DLC1: variants seen among roughly 807,000 people sequenced by gnomAD.
DLC1 encodes rho GTPase-activating protein 7.
Under a neutral mutation model 140.3 loss-of-function variants are expected in DLC1, and 54 were observed. That is an observed-to-expected ratio of 0.38 (90% CI 0.31 to 0.48). DLC1 has a LOEUF of 0.48. Ranked by LOEUF, DLC1 falls within the 20% of genes least tolerant of loss-of-function variation. DLC1 has a pLI of 0.96. For missense variants in DLC1, 2,536 were observed against 1,907.0 expected (o/e 1.33, Z -6.14); for synonymous variants, 986 against 728.1 (o/e 1.35, Z -5.70).
intron 1 of DLC1, among the ~76,000 whole-genome samples, chr8:13,583,559 T>G (rs895755238): frequency 1.3e-5 from 2 of 152,156 alleles, no homozygotes; most frequent in Non-Finnish European, 2.9e-5. Context: ...GAATCAACTT[T>G]TTCCAATAGG....
intron 5 of DLC1, among the ~76,000 whole-genome samples, chr8:13,289,088 C>A (rs368408308): frequency 1.3e-5 from 2 of 152,274 alleles, no homozygotes; most frequent in South Asian, 4.2e-4. Flanking sequence ...TTCCTTTTTC[C>A]TAAGGCATTC....
intron 5 of DLC1, among the ~76,000 whole-genome samples, chr8:13,132,126 G>A (rs556399552): frequency 4.6e-5 from 7 of 152,184 alleles, no homozygotes; most frequent in African/African-American, 1.7e-4. Context: ...CTCCTTGTCC[G>A]GGTCAAGGGG....
intron 1 of DLC1, among the ~76,000 whole-genome samples, chr8:13,582,549 G>A (rs762904507): frequency 3.2e-4 from 48 of 152,048 alleles, no homozygotes; most frequent in Non-Finnish European, 5.4e-4. Flanking sequence ...CTCCCATGCC[G>A]GATGCTTCCT....
intron 5 of DLC1, among the ~76,000 whole-genome samples, chr8:13,196,899 A>G (rs2117049265): frequency 6.6e-6 from 1 of 152,322 alleles, no homozygotes; most frequent in South Asian, 2.1e-4. Context: ...ACTACTTCAG[A>G]GGGATTAAAA....
At chr8:13,602,025 G>T (rs1229587437) in intron 1 of DLC1, among the ~76,000 whole-genome samples, 1 of 151,722 alleles carries the variant, frequency 6.6e-6, no homozygotes, top group Non-Finnish European at 1.5e-5. Context: ...CATATTAAGT[G>T]CCTCCTGATG....
chr8:13,402,898 C>G (rs1223788423), intron 2 of DLC1, among the ~76,000 whole-genome samples: 1 of 152,150 alleles, frequency 6.6e-6, no homozygotes, highest in Non-Finnish European at 1.5e-5. Flanking sequence ...CTCTGTATAT[C>G]TTAAACAGCA....
rs1424686075 is a variant in DLC1 at position 13,099,618 on chromosome 8, C to T, written c.2719G>A (p.Asp907Asn). The T allele has an allele frequency of 2.5e-6, 4 of 1,614,074 alleles. No individual in the cohort carries two copies. The highest frequency in any genetic ancestry group is 3.4e-6 in the Non-Finnish European group (4 of 1,180,034). Reference sequence around the variant, plus strand: ...CCCTTCACGTGGTAGAGGATGTCGTCCAGCTCGGGGAAGATGTCCTCGTTC... The same window carrying T: ...CCCTTCACGTGGTAGAGGATGTCGTTCAGCTCGGGGAAGATGTCCTCGTTC... ...LENEDIFPEL[D>N]DILYHVKGMQ... is the part of the protein sequence containing the mutation. Residue 907 changes from aspartate (D) to asparagine (N), a missense_variant, in exon 9 of 18, where the codon GAC becomes AAC. Transcript: ENST00000276297.
At chr8:13,114,251 A>C (rs1820355429) in intron 6 of DLC1, among the ~76,000 whole-genome samples, 1 of 152,158 alleles carries the variant, frequency 6.6e-6, no homozygotes, top group African/African-American at 2.4e-5. Flanking sequence ...AATCCCAGCT[A>C]CTCAGGAGGC....
intron 6 of DLC1, among the ~76,000 whole-genome samples, chr8:13,112,975 A>G (rs1345289493): frequency 6.6e-6 from 1 of 152,194 alleles, no homozygotes; most frequent in Admixed American, 6.5e-5. Context: ...CCTATTACCT[A>G]TATGTGAGAA....
At chr8:13,526,919 A>C (rs550687826) in intron 1 of DLC1, among the ~76,000 whole-genome samples, 3 of 152,296 alleles carry the variant, frequency 2.0e-5, no homozygotes, top group South Asian at 4.1e-4. Context: ...CTTAAAGTAA[A>C]ATTTAAAAAA....
intron 2 of DLC1, among the ~76,000 whole-genome samples, chr8:13,415,301 CTTG>C (rs771716272): frequency 5.2e-4 from 79 of 152,002 alleles, no homozygotes; most frequent in Non-Finnish European, 8.4e-4. Flanking sequence ...TTATTAGTCA[CTTG>C]TTGTGAAAAA....
At chr8:13,257,468 C>T (rs1172370729) in intron 5 of DLC1, among the ~76,000 whole-genome samples, 1 of 147,352 alleles carries the variant, frequency 6.8e-6, no homozygotes, top group Non-Finnish European at 1.5e-5. Flanking sequence ...AGCAACAATT[C>T]TGACATGTGC....
chr8:13,090,194 G>C (rs1012322213), intron 15 of DLC1, 58 bp downstream of exon 15: 15 of 1,524,248 alleles, frequency 9.8e-6, no homozygotes, highest in Non-Finnish European at 1.3e-5. Context: ...TGTTATCTCT[G>C]ATGGACCCAA....
rs755442276 is a variant in DLC1, at chr8:13,319,479, G to C, written c.1315-14177C>G. Among the ~76,000 whole-genome samples the C allele has an allele frequency of 1.0e-3, 117 of 116,300 alleles. 2 individuals are homozygous for C. The highest frequency in any genetic ancestry group is 4.4e-3 in the Middle Eastern group (1 of 226). The allele number at this position is 116,300 out of a possible 152,430, so 76.3% of individuals were successfully genotyped here. On this transcript the variant is annotated intron_variant, in intron 4 of 17. Transcript: ENST00000276297. ...GGAGGGGCCTGCTGGCGGGGCGGGG[G>C]GGGGGGGTGGATTTCCCCCTTGCTG...
chr8:13,517,671 A>G (rs193173677), upstream of DLC1, among the ~76,000 whole-genome samples: 152 of 152,282 alleles, frequency 1.0e-3, no homozygotes, highest in African/African-American at 1.4e-3. Flanking sequence ...CTAAATACCA[A>G]CTTCCTTAAA....
intron 1 of DLC1, among the ~76,000 whole-genome samples, chr8:13,540,789 A>C (rs2117330632): frequency 6.6e-6 from 1 of 152,334 alleles, no homozygotes; most frequent in Admixed American, 6.5e-5. Flanking sequence ...GATTTGTTCA[A>C]GTAGCTATCT....
At chr8:13,376,336 C>G (rs759748548) in intron 4 of DLC1, among the ~76,000 whole-genome samples, 2 of 152,114 alleles carry the variant, frequency 1.3e-5, no homozygotes, top group Non-Finnish European at 2.9e-5. Flanking sequence ...GAAGCATTTG[C>G]TAATGACAAA....
At chr8:13,325,348 G>A (rs1268414987) in intron 4 of DLC1, among the ~76,000 whole-genome samples, 4 of 152,086 alleles carry the variant, frequency 2.6e-5, no homozygotes, top group Non-Finnish European at 4.4e-5. Flanking sequence ...AATGTGATAC[G>A]TACAAGAAAT....
intron 2 of DLC1, among the ~76,000 whole-genome samples, chr8:13,496,403 C>T (rs1385598710): frequency 6.6e-6 from 1 of 152,034 alleles, no homozygotes; most frequent in African/African-American, 2.4e-5. Flanking sequence ...ATACATAATT[C>T]TGTGATCTTT....
Sources: allele counts gnomAD v4.1 joint callset (sites outside exome capture counted in the v4.1 genomes callset), GRCh38; gene constraint gnomAD v4.1.1; transcripts MANE v1.5; gene names NCBI Gene and HGNC (gene_info 2026-07-23, HGNC 2026-07-21).